Variants in RASGRF2 observed in about 807,000 individuals in gnomAD.
RASGRF2 encodes the protein ras-specific guanine nucleotide-releasing factor 2.
RASGRF2 carries 76 observed loss-of-function variants against 151.0 expected under a neutral mutation model. That is an observed-to-expected ratio of 0.50 (90% CI 0.42 to 0.61). RASGRF2 has a LOEUF of 0.61. Ranked by LOEUF, RASGRF2 falls within the 20% of genes least tolerant of loss-of-function variation. The pLI, the probability that RASGRF2 is intolerant of heterozygous loss-of-function variation, is 0.00. For synonymous variants in RASGRF2, 504 were observed against 566.5 expected, an observed-to-expected ratio of 0.89 and a Z score of 1.57; for missense variants, 1,148 against 1,564.6, an observed-to-expected ratio of 0.73 and a Z score of 4.49.
At position 81,146,637 on chromosome 5, in the gene RASGRF2, A is replaced by G. The variant is rs1263497402; in HGVS notation, c.2686+19474A>G. ...GGCCAATGATTTTAGAAAAGAATCC[A>G]TAGAGAAGTGGGAATTCTAAAATTT... On this transcript the variant is annotated intron_variant, in intron 17 of 26. Transcript: ENST00000265080. 5.3e-5 allele frequency among the ~76,000 whole-genome samples: 8 copies of G among 152,196 alleles called. No individual in the cohort carries two copies. The East Asian group carries it at 1.3e-3, about 26-fold the overall frequency.
chr5:81,094,769 A>G (rs1752497500), intron 11 of RASGRF2, 87 bp from the exon 12 acceptor site: 1 of 1,400,234 alleles, frequency 7.1e-7, no homozygotes, highest in Admixed American at 1.9e-5. Flanking sequence ...GTGCAAATGG[A>G]TTGTATAAAT....
chr5:81,019,355 C>T (rs1273515750), intron 1 of RASGRF2: 2 of 152,212 alleles, frequency 1.3e-5, no homozygotes, highest in African/African-American at 4.8e-5. Context: ...TATGATGGAA[C>T]AGTAGTCCCC....
At chr5:81,018,734 C>T (rs1355917047) in intron 1 of RASGRF2, among the ~76,000 whole-genome samples, 2 of 151,390 alleles carry the variant, frequency 1.3e-5, no homozygotes, top group Non-Finnish European at 2.9e-5. Context: ...AACATGACCA[C>T]ATACTTTTTT....
At chr5:81,090,175 A>G (rs911989143) in intron 9 of RASGRF2, among the ~76,000 whole-genome samples, 15 of 152,178 alleles carry the variant, frequency 9.9e-5, no homozygotes, top group African/African-American at 3.4e-4. Flanking sequence ...GGGTCTAGAG[A>G]CAGTTATATC....
At chr5:81,154,142 T>C (rs1405400070) in intron 17 of RASGRF2, among the ~76,000 whole-genome samples, 1 of 152,138 alleles carries the variant, frequency 6.6e-6, no homozygotes, top group Non-Finnish European at 1.5e-5. Flanking sequence ...CTCTAAATAA[T>C]TGATGAAATA....
chr5:81,157,148 G>A (rs1025264674), intron 17 of RASGRF2, among the ~76,000 whole-genome samples: 9 of 151,888 alleles, frequency 5.9e-5, no homozygotes, highest in Admixed American at 4.6e-4. Flanking sequence ...GGCGGATCAC[G>A]AGGTCAGGAG....
intron 17 of RASGRF2, among the ~76,000 whole-genome samples, chr5:81,163,246 C>A (rs781355574): frequency 6.6e-6 from 1 of 152,042 alleles, no homozygotes; most frequent in East Asian, 1.9e-4. Context: ...TCTTCTGGGC[C>A]TTGATACTCC....
intron 1 of RASGRF2, among the ~76,000 whole-genome samples, chr5:81,017,196 G>C (rs1580208144): frequency 6.6e-6 from 1 of 152,218 alleles, no homozygotes. Context: ...CACTCTGGCA[G>C]TTCCACTATT....
rs188403659 is a variant in RASGRF2 at position 81,188,993 on chromosome 5, A to C, written c.2793+8712A>C. Among the ~76,000 whole-genome samples, 4 of 152,336 alleles carry C rather than the reference A, an allele frequency of 2.6e-5. No individual in the cohort carries two copies. In the South Asian group the frequency reaches 8.3e-4, roughly 32 times the overall value. ...CTGCCAATGCTTTCCCTGTTTCTCA[A>C]TCTTTCCTTAGGAAAGTTACTTTTG... On this transcript the variant is annotated intron_variant, in intron 18 of 26. Coordinates refer to ENST00000265080, the MANE Select transcript of RASGRF2 (RefSeq NM_006909.3).
intron 1 of RASGRF2, among the ~76,000 whole-genome samples, chr5:81,040,507 G>T (rs548263497): frequency 6.6e-6 from 1 of 152,346 alleles, no homozygotes; most frequent in South Asian, 2.1e-4. Context: ...TTATCCTGGT[G>T]TATGGTAGAG....
chr5:81,031,278 C>T (rs1750236234), intron 1 of RASGRF2, among the ~76,000 whole-genome samples: 1 of 152,186 alleles, frequency 6.6e-6, no homozygotes, highest in Admixed American at 6.5e-5. Context: ...AGGAATTGAA[C>T]TCAGCTCTGC....
At position 81,068,095 on chromosome 5, in the gene RASGRF2, C is replaced by G. The variant is rs746566436; in HGVS notation, c.459C>G (p.Ile153Met). Residue 153 changes from isoleucine (I) to methionine (M), a missense_variant, in exon 3 of 27, where the codon ATC (isoleucine) becomes ATG (methionine). Physicochemically the swap from Ile to Met is conservative, Grantham distance 10 (BLOSUM62 1). Around this residue, in one of 5 missense-constraint regions of RASGRF2, gnomAD observed 221 missense variants for 271.3 expected, o/e 0.81. Transcript: ENST00000265080. ...AGAAGTACATTCATCTAGTTCAGAT[C>G]GTAGAGACAGAAAAAATTGCAGCTA... ...LMQKYIHLVQ[I>M]VETEKIAANQ... is the part of the protein sequence containing the mutation. The G allele has an allele frequency of 6.2e-7, 1 of 1,613,516 alleles. No homozygotes were observed. Among genetic ancestry groups the G allele is most frequent in the Admixed American group, 1.7e-5 (1 of 59,950 alleles).
At chr5:81,216,781 C>A (rs900869947) in intron 24 of RASGRF2, among the ~76,000 whole-genome samples, 4 of 152,246 alleles carry the variant, frequency 2.6e-5, no homozygotes, top group Non-Finnish European at 5.9e-5. Flanking sequence ...ATGTGCTTAG[C>A]CTCCGGCCTC....
At chr5:81,018,351 C>T (rs191563963) in intron 1 of RASGRF2, among the ~76,000 whole-genome samples, 68 of 152,252 alleles carry the variant, frequency 4.5e-4, no homozygotes, top group Admixed American at 4.1e-3. Context: ...TATTTTTGTT[C>T]TGCCTCGTCT....
chr5:81,032,021 C>A (rs1045683470), intron 1 of RASGRF2, among the ~76,000 whole-genome samples: 4 of 152,116 alleles, frequency 2.6e-5, no homozygotes, highest in African/African-American at 9.7e-5. Flanking sequence ...ACTATAAACA[C>A]CTCTATGCAA....
At chr5:81,111,960 G>A (rs1283681465) in intron 13 of RASGRF2, among the ~76,000 whole-genome samples, 3 of 152,176 alleles carry the variant, frequency 2.0e-5, no homozygotes, top group African/African-American at 7.2e-5. Flanking sequence ...TTGATATTTT[G>A]CTTTAAGGGC....
At chr5:81,223,182 C>G (rs896834868) in intron 26 of RASGRF2, 1 of 152,148 alleles carries the variant, frequency 6.6e-6, no homozygotes, top group Admixed American at 6.6e-5. Context: ...CATTGAAATC[C>G]TGGTCAAAAT....
chr5:81,034,068 A>T (rs1234452034), intron 1 of RASGRF2, among the ~76,000 whole-genome samples: 2 of 152,194 alleles, frequency 1.3e-5, no homozygotes, highest in Admixed American at 6.5e-5. Context: ...TCACTGGCCA[A>T]CAGAGAAATG....
intron 1 of RASGRF2, among the ~76,000 whole-genome samples, chr5:81,021,174 T>C (rs1340964694): frequency 6.6e-6 from 1 of 152,160 alleles, no homozygotes; most frequent in African/African-American, 2.4e-5. Context: ...ATGTAAGATT[T>C]GCTATTAGAG....
Sources: allele counts gnomAD v4.1 joint callset (sites outside exome capture counted in the v4.1 genomes callset), GRCh38; gene constraint gnomAD v4.1.1; regional missense constraint gnomAD v4.1.1; transcripts MANE v1.5; gene names NCBI Gene and HGNC (gene_info 2026-07-23, HGNC 2026-07-21).